The following LOXHD1 variants were observed in gnomAD, a reference collection of about 807,000 sequenced individuals.
The protein encoded by LOXHD1 is lipoxygenase homology domain-containing protein 1.
LOXHD1 carries 205 observed loss-of-function variants against 248.2 expected under a neutral mutation model. The ratio of observed to expected loss-of-function variants is 0.83; its 90% confidence interval spans 0.74 to 0.93. The LOEUF (loss-of-function observed/expected upper bound fraction) is 0.93. Ranked by LOEUF, LOXHD1 falls within the 40% of genes least tolerant of loss-of-function variation. The pLI, the probability that LOXHD1 is intolerant of heterozygous loss-of-function variation, is 0.00. For synonymous variants in LOXHD1, 1,113 were observed against 1,162.8 expected (o/e 0.96, Z 0.87); for missense variants, 2,930 against 2,971.6 (o/e 0.99, Z 0.33).
At chr18:46,546,064 T>A in intron 22 of LOXHD1, among the ~76,000 whole-genome samples, 1 of 151,980 alleles carries the variant, frequency 6.6e-6, no homozygotes, top group Admixed American at 6.6e-5. Context: ...ATAGAGTTGA[T>A]AGGATGGTTA....
chr18:46,484,256 A>G (rs1317321380), intron 39 of LOXHD1, among the ~76,000 whole-genome samples: 1 of 152,062 alleles, frequency 6.6e-6, no homozygotes, highest in African/African-American at 2.4e-5. Flanking sequence ...AGATTTGAAG[A>G]AAAGGTTGTT....
chr18:46,597,871 C>T (rs1384040087), intron 8 of LOXHD1, among the ~76,000 whole-genome samples: 1 of 151,880 alleles, frequency 6.6e-6, no homozygotes, highest in Admixed American at 6.6e-5. Flanking sequence ...GTTCTCCTGT[C>T]TCAGCTTCCC....
intron 19 of LOXHD1, 29 bp from the exon 20 acceptor site, chr18:46,559,631 G>A (rs1158181122): frequency 6.5e-7 from 1 of 1,549,170 alleles, no homozygotes; most frequent in East Asian, 2.4e-5. Flanking sequence ...GCAGTGTGGA[G>A]GGCCTCATGG....
chr18:46,639,853 C>G (rs1490611711), intron 3 of LOXHD1, 53 bp from the exon 4 acceptor site: 3 of 1,541,638 alleles, frequency 1.9e-6, no homozygotes, highest in East Asian at 4.9e-5. Flanking sequence ...AAACAGCACC[C>G]CTTCCATACT....
chr18:46,520,935 G>A (rs913383331), intron 33 of LOXHD1, among the ~76,000 whole-genome samples, 162 bp downstream of exon 33: 3 of 152,160 alleles, frequency 2.0e-5, no homozygotes, highest in South Asian at 2.1e-4. Flanking sequence ...TTCAGTCTGC[G>A]GCTCCTAGCA....
intron 26 of LOXHD1, among the ~76,000 whole-genome samples, chr18:46,536,532 C>T (rs2036317915): frequency 1.3e-5 from 2 of 152,196 alleles, no homozygotes; most frequent in Admixed American, 1.3e-4. Context: ...AACAAAATTA[C>T]TGGCAAATTA....
intron 16 of LOXHD1, among the ~76,000 whole-genome samples, chr18:46,569,086 T>C (rs1454799322): frequency 2.0e-5 from 2 of 102,388 alleles, no homozygotes; most frequent in Admixed American, 9.6e-5. Context: ...CTCTTTTCCT[T>C]CCCTGCGTTC....
chr18:46,579,154 C>T (rs1599023042), intron 13 of LOXHD1, among the ~76,000 whole-genome samples: 1 of 152,236 alleles, frequency 6.6e-6, no homozygotes, highest in East Asian at 1.9e-4. Context: ...TGCCAAGTTC[C>T]CACATTGGCC....
intron 3 of LOXHD1, among the ~76,000 whole-genome samples, chr18:46,641,108 TC>T (rs1379647474): frequency 6.6e-6 from 1 of 151,058 alleles, no homozygotes. Context: ...AAGAGCCCTT[TC>T]CCTGCTCGTA....
intron 21 of LOXHD1, among the ~76,000 whole-genome samples, chr18:46,549,561 C>T (rs573981692): frequency 6.6e-6 from 1 of 152,268 alleles, no homozygotes; most frequent in African/African-American, 2.4e-5. Flanking sequence ...AGGGATTAAA[C>T]TGTACCACCC....
intron 21 of LOXHD1, chr18:46,555,313 T>C (rs2037278349): frequency 4.9e-6 from 2 of 405,616 alleles, no homozygotes; most frequent in Admixed American, 5.7e-5. Context: ...GCATGACTTG[T>C]CCAGGGTGAC....
chr18:46,653,065 G>T (rs749991623), intron 1 of LOXHD1, among the ~76,000 whole-genome samples: 9 of 152,130 alleles, frequency 5.9e-5, no homozygotes, highest in Non-Finnish European at 1.3e-4. Flanking sequence ...TGACCAACGT[G>T]GTGAAACCCC....
At chr18:46,592,433 T>C in intron 11 of LOXHD1, 65 bp downstream of exon 11, 5 of 1,327,742 alleles carry the variant, frequency 3.8e-6, no homozygotes, top group African/African-American at 1.5e-5. Flanking sequence ...GACAGGGTCA[T>C]TGAAAAGGGA....
chr18:46,499,405 T>C (rs1056953588), intron 37 of LOXHD1, among the ~76,000 whole-genome samples: 20 of 152,178 alleles, frequency 1.3e-4, no homozygotes, highest in African/African-American at 4.6e-4. Flanking sequence ...AGTTACTTCA[T>C]GCAAGGTGAA....
intron 18 of LOXHD1, among the ~76,000 whole-genome samples, chr18:46,561,088 A>G (rs1332307086): frequency 2.0e-5 from 3 of 152,148 alleles, no homozygotes; most frequent in Non-Finnish European, 4.4e-5. Flanking sequence ...CTCTTTTTCA[A>G]TAACAAAAAT....
chr18:46,604,125 C>G lies in LOXHD1; in HGVS notation c.864G>C (p.Val288=). 6.4e-7 allele frequency: 1 copy of G among 1,551,754 alleles called. No homozygotes were observed. The highest frequency in any genetic ancestry group is 1.2e-5 in the South Asian group (1 of 84,064). Reference sequence around the variant, plus strand: ...ATCTACCTGTGGTCTCAGCTCCGCCCACTAAGATATCCCTTTGGATTTTGC... The same window carrying G: ...ATCTACCTGTGGTCTCAGCTCCGCCGACTAAGATATCCCTTTGGATTTTGC... ...DDGKIQRDIL[V]GGAETTAITY... Residue 288 remains valine (V), a synonymous_variant, in exon 7 of 41, where the codon GTG becomes GTC. Coordinates refer to ENST00000642948, the MANE Select transcript of LOXHD1 (RefSeq NM_001384474.1).
intron 28 of LOXHD1, among the ~76,000 whole-genome samples, chr18:46,530,714 C>T (rs545631704): frequency 1.7e-3 from 259 of 152,294 alleles, no homozygotes; most frequent in Middle Eastern, 3.4e-3. Flanking sequence ...GGCTGTAGAA[C>T]ACAGTGACAC....
At chr18:46,585,439 T>G (rs2144186158) in intron 12 of LOXHD1, among the ~76,000 whole-genome samples, 1 of 152,266 alleles carries the variant, frequency 6.6e-6, no homozygotes, top group East Asian at 1.9e-4. Context: ...CAGTTCTATT[T>G]GCAACAGCAT....
At chr18:46,513,735 A>G (rs1225923235) in intron 34 of LOXHD1, among the ~76,000 whole-genome samples, 1 of 152,260 alleles carries the variant, frequency 6.6e-6, no homozygotes, top group Non-Finnish European at 1.5e-5. Flanking sequence ...CGGAAAAATG[A>G]GAGAAGAAAA....
Sources: allele counts gnomAD v4.1 joint callset (sites outside exome capture counted in the v4.1 genomes callset), GRCh38; gene constraint gnomAD v4.1.1; transcripts MANE v1.5; gene names NCBI Gene and HGNC (gene_info 2026-07-23, HGNC 2026-07-21).